Variants in VOPP1 observed in about 807,000 individuals in gnomAD.
VOPP1 encodes VOPP1 WW domain binding protein.
A neutral mutation model predicts 23.5 loss-of-function variants in VOPP1; 8 were observed. The ratio of observed to expected loss-of-function variants is 0.34; its 90% CI spans 0.20 to 0.61. The LOEUF is 0.61. Among genes scored for constraint, VOPP1 ranks in the 20% least tolerant of loss-of-function variants. The pLI is 0.78. For missense variants in VOPP1, 174 were observed against 238.1 expected, an observed-to-expected ratio of 0.73 and a Z score of 1.77; for synonymous variants, 83 against 97.3, an observed-to-expected ratio of 0.85 and a Z score of 0.86.
chr7:55,480,351 C>A (rs1178482496), intron 4 of VOPP1, among the ~76,000 whole-genome samples: 1 of 152,178 alleles, frequency 6.6e-6, no homozygotes, highest in Non-Finnish European at 1.5e-5. Context: ...TGCCATCTTA[C>A]CAGATTTTCC....
At chr7:55,566,296 T>C (rs961090167) in intron 1 of VOPP1, among the ~76,000 whole-genome samples, 5 of 152,168 alleles carry the variant, frequency 3.3e-5, no homozygotes, top group East Asian at 3.9e-4. Context: ...TTATAGAATT[T>C]TGTCAGGAAA....
At chr7:55,466,757 T>C (rs1791641343), downstream of VOPP1, among the ~76,000 whole-genome samples, 1 of 152,174 alleles carries the variant, frequency 6.6e-6, no homozygotes, top group African/African-American at 2.4e-5. Flanking sequence ...CCTCCCAAAG[T>C]GCTGAGATTA....
downstream of VOPP1, among the ~76,000 whole-genome samples, chr7:55,435,740 G>A (rs144981481): frequency 1.4e-3 from 215 of 152,330 alleles, 1 homozygote; most frequent in South Asian, 4.4e-3. Flanking sequence ...GAGATCAGTC[G>A]GCTTCACAAA....
At chr7:55,441,488 G>C (rs550462246) in intron 4 of VOPP1, among the ~76,000 whole-genome samples, 1 of 152,314 alleles carries the variant, frequency 6.6e-6, no homozygotes, top group Admixed American at 6.5e-5. Flanking sequence ...GACCCTCTGG[G>C]TTCCAATCTG....
chr7:55,485,376 A>G (rs1051980284), intron 4 of VOPP1, among the ~76,000 whole-genome samples: 2 of 152,272 alleles, frequency 1.3e-5, no homozygotes, highest in African/African-American at 4.8e-5. Context: ...TCTTCTAAAA[A>G]GAAGAGAAAA....
intron 2 of VOPP1, among the ~76,000 whole-genome samples, chr7:55,499,636 C>T (rs1794226295): frequency 6.6e-6 from 1 of 152,158 alleles, no homozygotes; most frequent in African/African-American, 2.4e-5. Context: ...GTTGAGAGCA[C>T]GAGGCAGCAG....
At chr7:55,506,182 C>T (rs770657769) in intron 2 of VOPP1, among the ~76,000 whole-genome samples, 2 of 152,170 alleles carry the variant, frequency 1.3e-5, no homozygotes, top group Non-Finnish European at 2.9e-5. Flanking sequence ...ACACTGGTGC[C>T]CAGGGCATTC....
intron 1 of VOPP1, chr7:55,526,900 C>T (rs998564066): frequency 6.6e-6 from 1 of 152,246 alleles, no homozygotes; most frequent in Non-Finnish European, 1.5e-5. Flanking sequence ...CCCTGCTGTG[C>T]CTCACACTGC....
intron 1 of VOPP1, among the ~76,000 whole-genome samples, chr7:55,563,851 T>C (rs1798066296): frequency 6.6e-6 from 1 of 152,212 alleles, no homozygotes; most frequent in Admixed American, 6.5e-5. Flanking sequence ...CTTAAAATTA[T>C]GTGAGAGGGT....
intron 1 of VOPP1, among the ~76,000 whole-genome samples, chr7:55,522,651 C>T (rs966166766): frequency 1.6e-4 from 24 of 152,174 alleles, no homozygotes; most frequent in African/African-American, 5.3e-4. Flanking sequence ...TTAAGTTCCA[C>T]ACAATCAAGA....
intron 4 of VOPP1, among the ~76,000 whole-genome samples, chr7:55,482,694 G>A (rs12718967): frequency 0.33 from 50,782 of 151,712 alleles, 8,894 homozygotes; most frequent in Non-Finnish European, 0.39. Context: ...CCTTCAGGCC[G>A]ACCTGTTAGG....
At chr7:55,492,643 T>C (rs1793666797) in intron 3 of VOPP1, among the ~76,000 whole-genome samples, 1 of 152,214 alleles carries the variant, frequency 6.6e-6, no homozygotes, top group South Asian at 2.1e-4. Context: ...AACAAGTAGA[T>C]GCTTGACCTG....
At chr7:55,523,401 A>G (rs187766984) in intron 1 of VOPP1, among the ~76,000 whole-genome samples, 118 of 152,276 alleles carry the variant, frequency 7.7e-4, no homozygotes, top group African/African-American at 2.7e-3. Context: ...CAAAAAAAAA[A>G]TCACAGGAAG....
intron 1 of VOPP1, among the ~76,000 whole-genome samples, chr7:55,550,747 CT>C (rs1466312501): frequency 3.9e-5 from 6 of 152,108 alleles, no homozygotes; most frequent in African/African-American, 1.4e-4. Flanking sequence ...GAAGGATGCA[CT>C]ATTGAGTATA....
intron 4 of VOPP1, among the ~76,000 whole-genome samples, chr7:55,459,529 T>C (rs542289398): frequency 1.3e-5 from 2 of 152,316 alleles, no homozygotes; most frequent in East Asian, 1.9e-4. Context: ...GGGAGACTTA[T>C]TACTGATTCA....
intron 4 of VOPP1, among the ~76,000 whole-genome samples, chr7:55,473,627 C>T (rs560170457): frequency 1.3e-5 from 2 of 152,288 alleles, no homozygotes; most frequent in African/African-American, 4.8e-5. Flanking sequence ...CACGGGGGCA[C>T]CACAGAAGGT....
intron 4 of VOPP1, among the ~76,000 whole-genome samples, chr7:55,441,556 G>A (rs1399171957): frequency 6.6e-6 from 1 of 152,156 alleles, no homozygotes; most frequent in Non-Finnish European, 1.5e-5. Context: ...AATAATTTGA[G>A]TAACGCACTT....
chr7:55,545,440 C>G (rs1036137922), intron 1 of VOPP1, among the ~76,000 whole-genome samples: 8 of 152,316 alleles, frequency 5.3e-5, no homozygotes, highest in African/African-American at 1.9e-4. Context: ...AAGCAGCACA[C>G]AACTGACCCA....
chr7:55,537,437 A>G, intron 1 of VOPP1: 1 of 1,534,074 alleles, frequency 6.5e-7, no homozygotes, highest in Non-Finnish European at 8.7e-7. Context: ...CTTCTTTCCC[A>G]GAACTGAAGC....
Sources: allele counts gnomAD v4.1 joint callset (sites outside exome capture counted in the v4.1 genomes callset), GRCh38; gene constraint gnomAD v4.1.1; transcripts MANE v1.5; gene names NCBI Gene and HGNC (gene_info 2026-07-23, HGNC 2026-07-21).